The following RIMS1 variants were observed in gnomAD, a reference collection of about 807,000 sequenced individuals.
The protein encoded by RIMS1 is regulating synaptic membrane exocytosis protein 1.
RIMS1 carries 83 observed loss-of-function variants against 214.1 expected under a neutral mutation model. That is an observed-to-expected ratio of 0.39 (90% CI 0.32 to 0.47). The LOEUF (loss-of-function observed/expected upper bound fraction) is 0.47, where lower values mean the gene tolerates loss of function less well. Ranked by LOEUF, RIMS1 falls within the 20% of genes least tolerant of loss-of-function variation. The probability of loss-of-function intolerance (pLI) is 0.99; values close to 1 mark genes in which losing one functional copy is unlikely to be tolerated. For missense variants in RIMS1, 2,050 were observed against 2,161.8 expected, an observed-to-expected ratio of 0.95 and a Z score of 1.03; for synonymous variants, 793 against 786.8, an observed-to-expected ratio of 1.01 and a Z score of -0.13.
chr6:72,145,148 C>T (rs1234049631), intron 4 of RIMS1, among the ~76,000 whole-genome samples: 5 of 152,120 alleles, frequency 3.3e-5, no homozygotes, highest in African/African-American at 7.2e-5. Context: ...TTATGTTTCC[C>T]ATAGGCTTTT....
intron 2 of RIMS1, among the ~76,000 whole-genome samples, chr6:72,035,632 A>G (rs1178268969): frequency 1.3e-5 from 2 of 152,150 alleles, no homozygotes; most frequent in Non-Finnish European, 2.9e-5. Context: ...TGTTTATGCA[A>G]TCCTTTCAGT....
chr6:72,149,113 C>T (rs2043158916), intron 4 of RIMS1, among the ~76,000 whole-genome samples: 1 of 152,076 alleles, frequency 6.6e-6, no homozygotes. Flanking sequence ...GCCTCTTGTT[C>T]TATGCAAATG....
Position 72,313,539 on chromosome 6 carries a change from G to A in RIMS1, c.3997G>A (p.Asp1333Asn), listed in dbSNP as rs575774795. Residue 1333 changes from aspartate to asparagine, a missense_variant, in exon 28 of 34, where the codon GAT becomes AAT. Around this residue, in one of 6 missense-constraint regions of RIMS1, gnomAD observed 889 missense variants for 885.5 expected, o/e 1.00. Coordinates refer to ENST00000521978, the MANE Select transcript of RIMS1 (RefSeq NM_014989.7). ...NIHKDQYRSC[D>N]NVSAKSSDSD... ...ACATAAAGATCAGTACAGAAGCTGT[G>A]ATAACGTCTCTGCCAAATCATCAGA... 1 of 1,613,694 alleles carries A rather than the reference G, an allele frequency of 6.2e-7. No individual in the cohort carries two copies. Among genetic ancestry groups the A allele is most frequent in the Admixed American group, 1.7e-5 (1 of 59,976 alleles).
intron 6 of RIMS1, among the ~76,000 whole-genome samples, chr6:72,219,611 A>C (rs2057666084): frequency 6.6e-6 from 1 of 152,096 alleles, no homozygotes; most frequent in Non-Finnish European, 1.5e-5. Flanking sequence ...GAGTTTTAAC[A>C]AATGTATTTC....
chr6:72,026,715 C>G (rs1001187715), intron 2 of RIMS1, among the ~76,000 whole-genome samples: 1 of 152,088 alleles, frequency 6.6e-6, no homozygotes, highest in Admixed American at 6.6e-5. Context: ...TCCACCATCA[C>G]CTCACACAAC....
intron 2 of RIMS1, among the ~76,000 whole-genome samples, chr6:72,006,684 G>T (rs751649285): frequency 1.2e-4 from 18 of 152,228 alleles, no homozygotes; most frequent in African/African-American, 4.3e-4. Context: ...TATATCCCGT[G>T]CCTGGCTCGG....
At chr6:71,941,502 G>T (rs957241019) in intron 1 of RIMS1, among the ~76,000 whole-genome samples, 2 of 152,042 alleles carry the variant, frequency 1.3e-5, no homozygotes, top group African/African-American at 4.8e-5. Flanking sequence ...GATTGATGTA[G>T]CAATTTGATT....
chr6:72,149,065 G>A (rs2043151763), intron 4 of RIMS1, among the ~76,000 whole-genome samples: 1 of 151,932 alleles, frequency 6.6e-6, no homozygotes. Context: ...ACATGGTGGA[G>A]GAAAGAAAAA....
chr6:71,890,995 C>T lies in RIMS1; in HGVS notation c.164+3808C>T, dbSNP rs192036224. On this transcript the variant is annotated intron_variant, in intron 1 of 33. Coordinates refer to ENST00000521978, the MANE Select transcript of RIMS1 (RefSeq NM_014989.7). ...ATTTTCCCGTACACTACACTGTCTT[C>T]CTACCAAGAAGCAGCCTATATTTCA... is the stretch of plus-strand genomic sequence containing the variant. Among the ~76,000 whole-genome samples the T allele has an allele frequency of 2.0e-3, 308 of 152,294 alleles. 1 individual carries two copies. The highest frequency in any genetic ancestry group is 6.9e-3 in the African/African-American group (288 of 41,572).
intron 1 of RIMS1, among the ~76,000 whole-genome samples, chr6:71,916,754 G>C (rs1169344380): frequency 6.6e-6 from 1 of 152,172 alleles, no homozygotes; most frequent in Non-Finnish European, 1.5e-5. Flanking sequence ...AGGCAGACTT[G>C]CAGGCTCACA....
intron 1 of RIMS1, among the ~76,000 whole-genome samples, chr6:71,967,248 C>T (rs375731080): frequency 8.3e-4 from 127 of 152,114 alleles, no homozygotes; most frequent in African/African-American, 2.8e-3. Context: ...ATTAACCAGG[C>T]GTGGTGGTGG....
chr6:72,189,509 C>T (rs1014753493), intron 6 of RIMS1, among the ~76,000 whole-genome samples: 2 of 152,230 alleles, frequency 1.3e-5, no homozygotes, highest in Middle Eastern at 3.2e-3. Context: ...AAACCCATAT[C>T]TGGAGTAAGT....
At chr6:72,127,525 T>C (rs1442058191) in intron 4 of RIMS1, among the ~76,000 whole-genome samples, 3 of 152,096 alleles carry the variant, frequency 2.0e-5, no homozygotes, top group Non-Finnish European at 4.4e-5. Context: ...GTCCTCCAAT[T>C]CTCCCAGGAC....
intron 2 of RIMS1, among the ~76,000 whole-genome samples, chr6:72,091,428 A>G (rs1295811351): frequency 2.0e-5 from 3 of 152,238 alleles, no homozygotes; most frequent in African/African-American, 4.8e-5. Context: ...TTCCACTATT[A>G]TGATTTACTT....
intron 1 of RIMS1, among the ~76,000 whole-genome samples, chr6:71,954,446 A>T (rs546889605): frequency 3.3e-5 from 5 of 152,320 alleles, no homozygotes; most frequent in Admixed American, 3.3e-4. Context: ...ATTCATCTTG[A>T]TGCAAAATTT....
intron 28 of RIMS1, among the ~76,000 whole-genome samples, chr6:72,315,834 G>A (rs1370260750): frequency 1.3e-5 from 2 of 152,118 alleles, no homozygotes; most frequent in Non-Finnish European, 2.9e-5. Flanking sequence ...AAAGTCCTGT[G>A]AACAAGCATT....
chr6:72,298,371 AAGTT>A (rs1187226150), intron 26 of RIMS1, among the ~76,000 whole-genome samples: 4 of 151,922 alleles, frequency 2.6e-5, no homozygotes, highest in Non-Finnish European at 5.9e-5. Flanking sequence ...GAAAAGCTAA[AAGTT>A]AGGTTAAAAA....
chr6:72,293,899 G>C (rs2093748573), intron 26 of RIMS1, among the ~76,000 whole-genome samples: 1 of 151,684 alleles, frequency 6.6e-6, no homozygotes, highest in African/African-American at 2.4e-5. Flanking sequence ...CATTGGTGGA[G>C]TTACTTTGAT....
Position 72,277,098 on chromosome 6 carries a change from T to A in RIMS1, c.3482+2666T>A, listed in dbSNP as rs183297774. Among the ~76,000 whole-genome samples the A allele has an allele frequency of 1.8e-4, 27 of 152,312 alleles. No individual in the cohort carries two copies. The South Asian group carries it at 2.9e-3, about 16-fold the overall frequency. Reference sequence around the variant, plus strand: ...GAACGTAAATTATTCCTTAAGAGAGTTATCCAGTACATTCAAATAAATTGA... The same window carrying A: ...GAACGTAAATTATTCCTTAAGAGAGATATCCAGTACATTCAAATAAATTGA... On this transcript the variant is annotated intron_variant, in intron 23 of 33. Coordinates refer to ENST00000521978, the MANE Select transcript of RIMS1 (RefSeq NM_014989.7).
Sources: gnomAD v4.1 joint callset for allele counts (sites outside exome capture counted in the v4.1 genomes callset) on GRCh38, gnomAD v4.1.1 for gene constraint, gnomAD v4.1.1 regional missense constraint, MANE v1.5 for transcripts, NCBI Gene and HGNC (gene_info 2026-07-23, HGNC 2026-07-21) for gene names.